Variants in PTK2 observed in about 807,000 individuals in gnomAD.
PTK2 encodes protein tyrosine kinase 2.
A neutral mutation model predicts 150.1 loss-of-function variants in PTK2; 45 were observed. That is an observed-to-expected ratio of 0.30 (90% CI 0.24 to 0.38). The LOEUF (loss-of-function observed/expected upper bound fraction) is 0.38. Among genes scored for constraint, PTK2 ranks in the 10% least tolerant of loss-of-function variants. The probability of loss-of-function intolerance (pLI) is 1.00; values close to 1 mark genes in which losing one functional copy is unlikely to be tolerated. For synonymous variants in PTK2, 432 were observed against 449.2 expected (o/e 0.96, Z 0.48); for missense variants, 919 against 1,307.3 (o/e 0.70, Z 4.58).
intron 14 of PTK2, chr8:140,771,393 C>G (rs1343159910): frequency 6.6e-6 from 1 of 152,178 alleles, no homozygotes. Flanking sequence ...ATTTTAGAGT[C>G]AAAAAGCTGG....
chr8:140,799,376 T>A (rs966026408), intron 12 of PTK2: 1 of 152,304 alleles, frequency 6.6e-6, no homozygotes, highest in South Asian at 2.1e-4. Context: ...CTGACTTGAA[T>A]GCACTCCACA....
At chr8:140,999,707 C>T (rs889303608) in intron 1 of PTK2, among the ~76,000 whole-genome samples, 1 of 152,208 alleles carries the variant, frequency 6.6e-6, no homozygotes, top group African/African-American at 2.4e-5. Flanking sequence ...GAGTGCTCAA[C>T]TCTCGAAGAC....
chr8:140,824,131 G>A (rs992731112), intron 8 of PTK2, among the ~76,000 whole-genome samples: 4 of 152,136 alleles, frequency 2.6e-5, no homozygotes, highest in African/African-American at 9.7e-5. Flanking sequence ...TCTTAGACAT[G>A]GAATGTGTGT....
intron 26 of PTK2, among the ~76,000 whole-genome samples, chr8:140,693,829 A>G (rs1037472841): frequency 1.3e-5 from 2 of 152,144 alleles, no homozygotes; most frequent in African/African-American, 4.8e-5. Context: ...AACAGATGTC[A>G]AAACAGATGT....
At chr8:140,961,169 T>C (rs1468618682) in intron 1 of PTK2, among the ~76,000 whole-genome samples, 1 of 152,216 alleles carries the variant, frequency 6.6e-6, no homozygotes, top group Non-Finnish European at 1.5e-5. Context: ...TTTACATTTA[T>C]TTCCCTCGAA....
intron 7 of PTK2, among the ~76,000 whole-genome samples, chr8:140,832,661 T>C (rs534111524): frequency 2.7e-5 from 4 of 150,240 alleles, no homozygotes; most frequent in Non-Finnish European, 4.4e-5. Context: ...CGGTGAGAAG[T>C]GGTGAGATTG....
At chr8:140,781,858 G>A (rs2100081866) in intron 14 of PTK2, among the ~76,000 whole-genome samples, 1 of 152,248 alleles carries the variant, frequency 6.6e-6, no homozygotes, top group South Asian at 2.1e-4. Context: ...AGAAGAAACG[G>A]TATGACTACG....
chr8:140,781,723 T>G (rs1009353863), intron 14 of PTK2, among the ~76,000 whole-genome samples: 1 of 152,128 alleles, frequency 6.6e-6, no homozygotes, highest in African/African-American at 2.4e-5. Context: ...CTGAGACGAG[T>G]TCAGCTCAAG....
intron 16 of PTK2, among the ~76,000 whole-genome samples, chr8:140,756,102 G>T (rs1324884136): frequency 1.3e-5 from 2 of 150,948 alleles, no homozygotes; most frequent in Non-Finnish European, 3.0e-5. Context: ...GGGCAGGTGG[G>T]TCCCTGGAGG....
At chr8:140,697,581 T>G (rs927374188) in intron 26 of PTK2, among the ~76,000 whole-genome samples, 2 of 152,026 alleles carry the variant, frequency 1.3e-5, no homozygotes, top group African/African-American at 2.4e-5. Flanking sequence ...GCCTGGATTA[T>G]AGGCATGCCA....
At chr8:140,819,262 TATAG>T (rs1388247446) in intron 8 of PTK2, among the ~76,000 whole-genome samples, 4 of 152,234 alleles carry the variant, frequency 2.6e-5, no homozygotes, top group African/African-American at 9.6e-5. Context: ...AAAGTTCATA[TATAG>T]AGTTTTATTT....
chr8:140,667,543 TGCCTGCCTCA>T (rs574395461), intron 30 of PTK2, among the ~76,000 whole-genome samples: 13 of 151,880 alleles, frequency 8.6e-5, no homozygotes, highest in Non-Finnish European at 1.9e-4. Flanking sequence ...TCAAGTGATC[TGCCTGCCTCA>T]GCCTCCCAAA....
At chr8:140,965,120 T>C (rs906684443) in intron 1 of PTK2, among the ~76,000 whole-genome samples, 1 of 152,188 alleles carries the variant, frequency 6.6e-6, no homozygotes, top group African/African-American at 2.4e-5. Context: ...ACTATTACTT[T>C]TAAAGAAAAC....
At chr8:140,794,714 C>G (rs2100090597) in intron 12 of PTK2, among the ~76,000 whole-genome samples, 1 of 152,188 alleles carries the variant, frequency 6.6e-6, no homozygotes, top group African/African-American at 2.4e-5. Flanking sequence ...TCTTCCTTAT[C>G]TCCCTGGCCT....
At chr8:140,823,577 G>A (rs936680037) in intron 8 of PTK2, among the ~76,000 whole-genome samples, 4 of 152,088 alleles carry the variant, frequency 2.6e-5, no homozygotes, top group South Asian at 2.1e-4. Flanking sequence ...GATTTCAGCC[G>A]TGGTGGCTTA....
exon 23 of PTK2, chr8:140,717,670 G>A: frequency 6.2e-7 from 1 of 1,614,056 alleles, no homozygotes; most frequent in Non-Finnish European, 8.5e-7. Context: ...CCATCCTCAT[G>A]CGCTCTTCTT....
chr8:140,727,491 CA>C (rs569200313), intron 22 of PTK2, among the ~76,000 whole-genome samples: 3,986 of 88,874 alleles, frequency 0.045, 97 homozygotes, highest in African/African-American at 0.1. Flanking sequence ...GATAGCAATG[CA>C]AAAAAAAAAA....
chr8:140,783,311 T>C (rs1201546283), intron 14 of PTK2, among the ~76,000 whole-genome samples: 1 of 152,156 alleles, frequency 6.6e-6, no homozygotes, highest in Non-Finnish European at 1.5e-5. Context: ...AAGATCAAGA[T>C]TTCCATCAGG....
At chr8:140,722,053 A>T (rs1454000833) in intron 22 of PTK2, among the ~76,000 whole-genome samples, 1 of 152,224 alleles carries the variant, frequency 6.6e-6, no homozygotes, top group Non-Finnish European at 1.5e-5. Flanking sequence ...ATGACAGGTA[A>T]ATGGATGAAT....
Sources: gnomAD v4.1 joint callset for allele counts (sites outside exome capture counted in the v4.1 genomes callset) on GRCh38, gnomAD v4.1.1 for gene constraint, MANE v1.5 for transcripts, NCBI Gene and HGNC (gene_info 2026-07-23, HGNC 2026-07-21) for gene names.